Variants in GALNTL6 observed in about 807,000 individuals in gnomAD.
GALNTL6 encodes polypeptide N-acetylgalactosaminyltransferase-like 6.
Under a neutral mutation model 73.7 loss-of-function variants are expected in GALNTL6, and 46 were observed. The ratio of observed to expected loss-of-function variants is 0.62; its 90% CI spans 0.49 to 0.80. GALNTL6 has a LOEUF of 0.80. Among genes scored for constraint, GALNTL6 ranks in the 30% least tolerant of loss-of-function variants. The pLI is 0.00. For missense variants in GALNTL6, 604 were observed against 755.0 expected (o/e 0.80, Z 2.34); for synonymous variants, 259 against 263.7 (o/e 0.98, Z 0.17).
At chr4:172,842,311 G>A (rs746721753) in intron 7 of GALNTL6, among the ~76,000 whole-genome samples, 2 of 152,198 alleles carry the variant, frequency 1.3e-5, no homozygotes, top group Non-Finnish European at 2.9e-5. Context: ...GTAGAAGACA[G>A]AATATGGCCC....
At chr4:172,719,359 T>G (rs1218292951) in intron 5 of GALNTL6, among the ~76,000 whole-genome samples, 1 of 152,176 alleles carries the variant, frequency 6.6e-6, no homozygotes, top group African/African-American at 2.4e-5. Flanking sequence ...GAACCAATTA[T>G]AATACTCCTT....
intron 5 of GALNTL6, among the ~76,000 whole-genome samples, chr4:172,736,237 T>C (rs1049654674): frequency 6.6e-6 from 1 of 152,186 alleles, no homozygotes; most frequent in Admixed American, 6.5e-5. Context: ...GTGTATTTCA[T>C]CCCTTATCTA....
At chr4:172,076,459 G>T (rs1310605674) in intron 2 of GALNTL6, among the ~76,000 whole-genome samples, 1 of 152,072 alleles carries the variant, frequency 6.6e-6, no homozygotes, top group East Asian at 1.9e-4. Context: ...CTGGAAGTAC[G>T]AATGAAACAA....
At chr4:172,521,975 T>C (rs796072152) in intron 5 of GALNTL6, among the ~76,000 whole-genome samples, 9 of 152,248 alleles carry the variant, frequency 5.9e-5, no homozygotes, top group African/African-American at 2.2e-4. Flanking sequence ...TTCATTAATA[T>C]CCCCCCAAAA....
intron 4 of GALNTL6, among the ~76,000 whole-genome samples, chr4:172,317,380 A>C (rs1740597327): frequency 6.6e-6 from 1 of 152,178 alleles, no homozygotes; most frequent in African/African-American, 2.4e-5. Flanking sequence ...ACCATGTATG[A>C]AGATTATTAA....
At chr4:172,564,257 A>G (rs1236922456) in intron 5 of GALNTL6, among the ~76,000 whole-genome samples, 1 of 152,238 alleles carries the variant, frequency 6.6e-6, no homozygotes, top group Non-Finnish European at 1.5e-5. Flanking sequence ...ATTTCTGAGT[A>G]GTTGATTTGC....
At chr4:171,991,914 T>TA (rs919304446) in intron 2 of GALNTL6, among the ~76,000 whole-genome samples, 5 of 151,802 alleles carry the variant, frequency 3.3e-5, no homozygotes, top group East Asian at 1.9e-4. Flanking sequence ...AATTGTCAAA[T>TA]AAAAAAATCC....
intron 5 of GALNTL6, among the ~76,000 whole-genome samples, chr4:172,575,794 C>T (rs1351965319): frequency 5.9e-5 from 9 of 152,150 alleles, no homozygotes; most frequent in Admixed American, 5.9e-4. Context: ...CAGCTTACCT[C>T]TTAAAGAGGA....
rs569892897 is a variant in GALNTL6 at position 172,840,966 on chromosome 4, G to A, written c.923+27243G>A. On this transcript the variant is annotated intron_variant, in intron 7 of 12. Coordinates refer to ENST00000506823, the MANE Select transcript of GALNTL6 (RefSeq NM_001034845.3). ...TGCCCAACACAGTGCTCCCTCTGGG[G>A]CCAGCAGTCCTTCAGGTGTGCATGA... 2.0e-5 allele frequency among the ~76,000 whole-genome samples: 3 copies of A among 152,238 alleles called. No individual in the cohort carries two copies. In the South Asian group the frequency reaches 6.2e-4, roughly 32 times the overall value.
At chr4:172,814,527 T>G (rs1169635149) in intron 7 of GALNTL6, among the ~76,000 whole-genome samples, 1 of 152,198 alleles carries the variant, frequency 6.6e-6, no homozygotes, top group East Asian at 1.9e-4. Flanking sequence ...CCCTTTGATA[T>G]CATTAAAATT....
At chr4:172,036,503 A>G (rs1023782711) in intron 2 of GALNTL6, among the ~76,000 whole-genome samples, 1 of 152,168 alleles carries the variant, frequency 6.6e-6, no homozygotes, top group East Asian at 1.9e-4. Context: ...GCATAATACC[A>G]TTAGATTGAG....
rs559909936 is a variant in GALNTL6 at position 172,132,855 on chromosome 4, T to G, written c.139-96801T>G. Among the ~76,000 whole-genome samples, 85 of 152,270 alleles carry G rather than the reference T, an allele frequency of 5.6e-4. No homozygotes were observed. The South Asian group carries it at 0.017, about 30-fold the overall frequency. Reference sequence around the variant, plus strand: ...TTGCCATCTGATCCTTTAAGTATCTTTTTTCCCCTAATCAAATTTCAAAAG... The same window carrying G: ...TTGCCATCTGATCCTTTAAGTATCTGTTTTCCCCTAATCAAATTTCAAAAG... On this transcript the variant is annotated intron_variant, in intron 2 of 12. Coordinates refer to ENST00000506823, the MANE Select transcript of GALNTL6 (RefSeq NM_001034845.3).
At chr4:172,382,420 T>C (rs573633782) in intron 5 of GALNTL6, among the ~76,000 whole-genome samples, 1 of 152,156 alleles carries the variant, frequency 6.6e-6, no homozygotes, top group Non-Finnish European at 1.5e-5. Context: ...GGGAGAAATA[T>C]GTACTCCAGC....
chr4:172,081,482 A>G (rs2110921651), intron 2 of GALNTL6, among the ~76,000 whole-genome samples: 1 of 152,286 alleles, frequency 6.6e-6, no homozygotes, highest in African/African-American at 2.4e-5. Context: ...TACTAAAAAT[A>G]CAAAAATTAG....
At chr4:172,021,229 A>G (rs78292347) in intron 2 of GALNTL6, among the ~76,000 whole-genome samples, 1,542 of 152,148 alleles carry the variant, frequency 0.01, 25 homozygotes, top group African/African-American at 0.035. Context: ...GAACATGACA[A>G]GGCTGCCCTC....
At chr4:172,247,969 AG>A (rs1305538522) in intron 3 of GALNTL6, among the ~76,000 whole-genome samples, 1 of 152,178 alleles carries the variant, frequency 6.6e-6, no homozygotes, top group Non-Finnish European at 1.5e-5. Context: ...CTACTGAAAA[AG>A]AAATGCTATT....
At chr4:172,377,909 C>CA (rs1038072506) in intron 5 of GALNTL6, among the ~76,000 whole-genome samples, 1 of 151,990 alleles carries the variant, frequency 6.6e-6, no homozygotes, top group African/African-American at 2.4e-5. Context: ...GATCCCCCCC[C>CA]CCATGCCTCT....
chr4:172,962,536 A>T (rs1750132207), intron 10 of GALNTL6, among the ~76,000 whole-genome samples: 1 of 152,190 alleles, frequency 6.6e-6, no homozygotes, highest in Admixed American at 6.5e-5. Flanking sequence ...TAATAAGTCA[A>T]TTATTATTTT....
At chr4:171,820,884 A>G (rs144638710) in intron 2 of GALNTL6, among the ~76,000 whole-genome samples, 1 of 152,326 alleles carries the variant, frequency 6.6e-6, no homozygotes, top group African/African-American at 2.4e-5. Flanking sequence ...TCAAGTATTC[A>G]AATATTCATG....
Sources: allele counts gnomAD v4.1 joint callset (sites outside exome capture counted in the v4.1 genomes callset), GRCh38; gene constraint gnomAD v4.1.1; transcripts MANE v1.5; gene names NCBI Gene and HGNC (gene_info 2026-07-23, HGNC 2026-07-21).